The following YJU2 variants were observed in gnomAD, a reference collection of about 807,000 sequenced individuals.
YJU2 encodes YJU2 splicing factor homolog, also known as splicing factor YJU2.
YJU2 carries 28 observed loss-of-function variants against 39.6 expected under a neutral mutation model. The observed-to-expected ratio is 0.71, with a 90% CI of 0.52 to 0.97. The LOEUF (loss-of-function observed/expected upper bound fraction) is 0.97, where lower values mean the gene tolerates loss of function less well. Among genes scored for constraint, YJU2 ranks in the 50% least tolerant of loss-of-function variants. YJU2 has a pLI of 0.00. For synonymous variants in YJU2, 184 were observed against 182.4 expected, an observed-to-expected ratio of 1.01 and a Z score of -0.07; for missense variants, 328 against 430.4, an observed-to-expected ratio of 0.76 and a Z score of 2.11.
At chr19:4,251,977 ACT>A (rs1321877109) in intron 3 of YJU2, among the ~76,000 whole-genome samples, 12 of 151,482 alleles carry the variant, frequency 7.9e-5, no homozygotes, top group African/African-American at 2.9e-4. Flanking sequence ...ACGAAATGAA[ACT>A]CTGTCTCAAA....
chr19:4,261,934 A>G (rs1971073924), intron 5 of YJU2, 60 bp from the exon 6 acceptor site: 12 of 1,575,282 alleles, frequency 7.6e-6, no homozygotes, highest in African/African-American at 1.3e-5. Flanking sequence ...CCCAGCAGGT[A>G]CATCCCAGGC....
chr19:4,247,220 A>G, intron 1 of YJU2, 50 bp downstream of exon 1: 4 of 1,528,628 alleles, frequency 2.6e-6, no homozygotes, highest in Non-Finnish European at 3.6e-6. Flanking sequence ...ACATCCCGGA[A>G]CTCCGGGAGA....
intron 5 of YJU2, among the ~76,000 whole-genome samples, chr19:4,258,738 C>A (rs1051932049): frequency 6.6e-5 from 10 of 152,208 alleles, no homozygotes; most frequent in Admixed American, 6.5e-4. Context: ...CCTGGTGGAG[C>A]TTCGCAGGAC....
rs146200770 is a variant in YJU2 at position 4,255,149 on chromosome 19, G to A, written c.405+660G>A. On this transcript the variant is annotated intron_variant, in intron 4 of 7. Coordinates refer to ENST00000262962, the MANE Select transcript of YJU2 (RefSeq NM_018074.6). The stretch of plus-strand genomic sequence containing the variant: ...TGAGGCAGGAGAATTGCATGAACCC[G>A]GGAGGCAGAGGTTGCAGTGAGCCGA... 4.2e-3 allele frequency among the ~76,000 whole-genome samples: 640 copies of A among 151,750 alleles called. 8 individuals are homozygous for A. Among genetic ancestry groups the A allele is most frequent in the African/African-American group, 0.015 (612 of 41,392 alleles).
rs766264625 is a variant in YJU2, at chr19:4,258,423, C to T, written c.587C>T (p.Ala196Val). 2.5e-5 allele frequency: 39 copies of T among 1,581,694 alleles called. No individual in the cohort carries two copies. The highest frequency in any genetic ancestry group is 2.7e-5 in the African/African-American group (2 of 74,654). Residue 196 changes from alanine to valine, a missense_variant and splice_region_variant, in exon 5 of 8, where the codon GCG becomes GTG. Ala to Val is a moderately conservative substitution (Grantham distance 64, BLOSUM62 0). This residue lies in a region of YJU2 where 244 missense variants were observed against 264.6 expected (regional missense o/e 0.92). Coordinates refer to ENST00000262962, the MANE Select transcript of YJU2 (RefSeq NM_018074.6). The stretch of plus-strand genomic sequence containing the variant: ...CAGGAGGAGGACGAGCAGGAGACCG[C>T]GTGAGTCAGGGCCGGCCCAACCCAG... ...QQQEEDEQET[A>V]ALLEEARKRR...
At chr19:4,247,271 T>C (rs1486981687) in intron 1 of YJU2, 101 bp downstream of exon 1, 19 of 1,110,534 alleles carry the variant, frequency 1.7e-5, no homozygotes, top group Non-Finnish European at 2.5e-5. Flanking sequence ...AACCCTTCTT[T>C]CCCAGCGGCC....
Position 4,247,652 on chromosome 19 carries a change from T to G in YJU2, c.24+482T>G, listed in dbSNP as rs1422376450. Among the ~76,000 whole-genome samples the G allele has an allele frequency of 1.9e-4, 11 of 58,922 alleles. 3 individuals are homozygous for G. The highest frequency in any genetic ancestry group is 2.7e-4 in the Non-Finnish European group (9 of 32,744). The allele number at this position is 58,922 out of a possible 152,430, so 38.7% of individuals were successfully genotyped here. ...GTGTGTGTGTGTGTGTGTGTGTGTG[T>G]GTGTGTGTGTGTGTGTGTGTGTGTG... On this transcript the variant is annotated intron_variant, in intron 1 of 7. Transcript: ENST00000262962.
intron 5 of YJU2, among the ~76,000 whole-genome samples, chr19:4,259,381 C>T (rs989735540): frequency 5.9e-5 from 9 of 151,266 alleles, no homozygotes; most frequent in African/African-American, 1.7e-4. Context: ...GCCCGGACGA[C>T]GCTTTTCTTT....
At chr19:4,253,113 G>A (rs12609756) in intron 3 of YJU2, among the ~76,000 whole-genome samples, 18,708 of 151,396 alleles carry the variant, frequency 0.12, 1,380 homozygotes, top group East Asian at 0.2. Context: ...TACTCCCAGC[G>A]CTTTGAGAAG....
At chr19:4,264,261 CAAAAAAA>C (rs748910280) in intron 6 of YJU2, among the ~76,000 whole-genome samples, 50 of 43,948 alleles carry the variant, frequency 1.1e-3, no homozygotes, top group Admixed American at 4.2e-3. Context: ...GACTCTGTCT[CAAAAAAA>C]AAAAAAAAAA....
Position 4,263,495 on chromosome 19 carries a change from C to G in YJU2, c.708+1381C>G, listed in dbSNP as rs149973246. Among the ~76,000 whole-genome samples the G allele has an allele frequency of 2.7e-3, 404 of 152,258 alleles. 2 individuals are homozygous for G. Among genetic ancestry groups the G allele is most frequent in the Non-Finnish European group, 3.6e-3 (246 of 68,022 alleles). ...AGATGCATCCTCCAGCTGGTCCGTG[C>G]CTGGCTGTGCTGCCAACTAGAACGA... On this transcript the variant is annotated intron_variant, in intron 6 of 7. Transcript: ENST00000262962.
At chr19:4,247,213 T>C (rs1970925557) in intron 1 of YJU2, 43 bp downstream of exon 1, 1 of 1,567,906 alleles carries the variant, frequency 6.4e-7, no homozygotes, top group Non-Finnish European at 8.7e-7. Flanking sequence ...GAGCAGGACA[T>C]CCCGGAACTC....
At chr19:4,263,803 C>CT (rs753371297) in intron 6 of YJU2, among the ~76,000 whole-genome samples, 45 of 113,156 alleles carry the variant, frequency 4.0e-4, no homozygotes, top group Non-Finnish European at 6.6e-4. Flanking sequence ...GAGTGAGACT[C>CT]TATCTCAAAA....
At chr19:4,254,598 T>TG (rs1971004248) in intron 4 of YJU2, 109 bp downstream of exon 4, 4 of 1,416,388 alleles carry the variant, frequency 2.8e-6, no homozygotes, top group South Asian at 3.1e-5. Flanking sequence ...GAAGATGGGG[T>TG]GGGGGGCGTG....
At chr19:4,257,270 T>G (rs2144693568) in intron 4 of YJU2, among the ~76,000 whole-genome samples, 1 of 152,170 alleles carries the variant, frequency 6.6e-6, no homozygotes. Context: ...CAGTAGGTGC[T>G]CAGGTTGTCT....
rs1306540179 is a variant in YJU2 at position 4,268,993 on chromosome 19, C to T, written c.*297C>T. The T allele has an allele frequency of 2.6e-6, 1 of 391,846 alleles. No homozygotes were observed. The highest frequency in any genetic ancestry group is 2.0e-5 in the African/African-American group (1 of 48,868). The allele number at this position is 391,846 out of a possible 1,614,324, so 24.3% of individuals were successfully genotyped here. ...AGCTTCCAACACTACTTCAGGGTGG[C>T]AGTGTTTGGGGCACTGGGCGAGCCT... On this transcript the variant is annotated 3_prime_UTR_variant, in exon 8 of 8. Coordinates refer to ENST00000262962, the MANE Select transcript of YJU2 (RefSeq NM_018074.6).
At chr19:4,259,245 AT>A (rs532143281) in intron 5 of YJU2, among the ~76,000 whole-genome samples, 1 of 150,786 alleles carries the variant, frequency 6.6e-6, no homozygotes, top group African/African-American at 2.4e-5. Context: ...AGCCCGGCTA[AT>A]TTTTTGTAAT....
At chr19:4,258,141 A>G in intron 4 of YJU2, 101 bp from the exon 5 acceptor site, 1 of 1,473,826 alleles carries the variant, frequency 6.8e-7, no homozygotes, top group Non-Finnish European at 9.1e-7. Context: ...ACGTGGGGGT[A>G]GGGGTTCCTC....
chr19:4,268,178 C>T (rs1164174869), intron 7 of YJU2, among the ~76,000 whole-genome samples: 1 of 152,100 alleles, frequency 6.6e-6, no homozygotes, highest in Non-Finnish European at 1.5e-5. Flanking sequence ...CTCCCGACCT[C>T]AGGTGATCCA....
Sources: allele counts gnomAD v4.1 joint callset (sites outside exome capture counted in the v4.1 genomes callset), GRCh38; gene constraint gnomAD v4.1.1; regional missense constraint gnomAD v4.1.1; transcripts MANE v1.5; gene names NCBI Gene and HGNC (gene_info 2026-07-23, HGNC 2026-07-21).